Variants in NIPSNAP1 observed in about 807,000 individuals in gnomAD.
The protein encoded by NIPSNAP1 is nipsnap homolog 1.
In NIPSNAP1, 25 loss-of-function variants were observed where a neutral mutation model predicts 49.2. The observed-to-expected ratio is 0.51, with a 90% CI of 0.37 to 0.71. The LOEUF (loss-of-function observed/expected upper bound fraction) is 0.71, where lower values mean the gene tolerates loss of function less well. Ranked by LOEUF, NIPSNAP1 falls within the 30% of genes least tolerant of loss-of-function variation. NIPSNAP1 has a pLI of 0.00. For synonymous variants in NIPSNAP1, 143 were observed against 140.7 expected, an observed-to-expected ratio of 1.02 and a Z score of -0.12; for missense variants, 294 against 361.0, an observed-to-expected ratio of 0.81 and a Z score of 1.50.
rs1397532440 is a variant in NIPSNAP1, at chr22:29,577,070, ATCT to A, written c.98+3912_98+3914del. 2.0e-5 allele frequency among the ~76,000 whole-genome samples: 3 copies of A among 150,172 alleles called. No individual in the cohort carries two copies. The East Asian group carries it at 5.9e-4, about 30-fold the overall frequency. On this transcript the variant is annotated intron_variant, in intron 1 of 9. Coordinates refer to ENST00000216121, the MANE Select transcript of NIPSNAP1 (RefSeq NM_003634.4). ...CAGGTTTTGATCCTAGCTCAGCTTC[ATCT>A]TTCTTTTTTCTTCTATTTTTTTTTT... is the stretch of plus-strand genomic sequence containing the variant.
intron 1 of NIPSNAP1, among the ~76,000 whole-genome samples, chr22:29,572,300 C>T (rs1569248605): frequency 1.0e-5 from 1 of 100,174 alleles, no homozygotes; most frequent in African/African-American, 4.2e-5. Flanking sequence ...GAGAATCCAT[C>T]TCAAAAAAAA....
At chr22:29,577,062 T>C (rs2069119346) in intron 1 of NIPSNAP1, among the ~76,000 whole-genome samples, 1 of 150,872 alleles carries the variant, frequency 6.6e-6, no homozygotes, top group South Asian at 2.1e-4. Context: ...TGATCCTAGC[T>C]CAGCTTCATC....
intron 8 of NIPSNAP1, among the ~76,000 whole-genome samples, chr22:29,560,137 C>T (rs561055199): frequency 2.0e-5 from 3 of 152,184 alleles, no homozygotes; most frequent in Non-Finnish European, 4.4e-5. Flanking sequence ...GGCTCCTTCT[C>T]ATCCTTTAGC....
intron 4 of NIPSNAP1, among the ~76,000 whole-genome samples, chr22:29,563,756 A>G (rs1461295029): frequency 6.6e-6 from 1 of 152,096 alleles, no homozygotes; most frequent in African/African-American, 2.4e-5. Flanking sequence ...GGAGAACACT[A>G]TGTGAAGACA....
In NIPSNAP1 at chr22:29,561,135, G is replaced by A. The variant is rs374769736; in HGVS notation, c.611+36C>T. ...TTGGTGGGGCAGGTGAGCAGGGTACGCCTCCCCCAACCCCAGTCTTGGTGC... is the reference window on the plus strand; with the variant it reads ...TTGGTGGGGCAGGTGAGCAGGGTACACCTCCCCCAACCCCAGTCTTGGTGC... On this transcript the variant is annotated intron_variant, in intron 7 of 9. Coordinates refer to ENST00000216121, the MANE Select transcript of NIPSNAP1 (RefSeq NM_003634.4). 77 of 1,594,564 alleles carry A rather than the reference G, an allele frequency of 4.8e-5. 1 individual carries two copies. In the African/African-American group the frequency reaches 8.4e-4, roughly 17 times the overall value.
intron 1 of NIPSNAP1, among the ~76,000 whole-genome samples, chr22:29,572,871 C>T (rs2064420895): frequency 6.6e-6 from 1 of 151,466 alleles, no homozygotes; most frequent in Admixed American, 6.6e-5. Context: ...TAGTCTCAGC[C>T]ACTTGAGAGA....
intron 1 of NIPSNAP1, among the ~76,000 whole-genome samples, chr22:29,575,776 G>C (rs1309167112): frequency 6.6e-6 from 1 of 151,730 alleles, no homozygotes; most frequent in Non-Finnish European, 1.5e-5. Flanking sequence ...GTGCAGTGGC[G>C]TGATCTGGGC....
At chr22:29,566,831 A>C (rs2064371337) in intron 4 of NIPSNAP1, among the ~76,000 whole-genome samples, 1 of 151,790 alleles carries the variant, frequency 6.6e-6, no homozygotes, top group Non-Finnish European at 1.5e-5. Context: ...TCTCAAAAAA[A>C]TAAATAAATA....
intron 1 of NIPSNAP1, among the ~76,000 whole-genome samples, chr22:29,575,206 G>C (rs1054918205): frequency 6.6e-6 from 1 of 152,176 alleles, no homozygotes; most frequent in Non-Finnish European, 1.5e-5. Flanking sequence ...GAAAGGACTA[G>C]ACAGAGTAAT....
chr22:29,570,092 T>TTG, intron 3 of NIPSNAP1, 70 bp downstream of exon 3: 1 of 1,262,778 alleles, frequency 7.9e-7, no homozygotes, highest in Non-Finnish European at 1.2e-6. Flanking sequence ...TGGAGGATGT[T>TTG]CCGCAAATTT....
chr22:29,577,831 C>G (rs2064465748), intron 1 of NIPSNAP1, among the ~76,000 whole-genome samples: 1 of 150,178 alleles, frequency 6.7e-6, no homozygotes, highest in African/African-American at 2.5e-5. Flanking sequence ...CTCCCCAGTT[C>G]AAGCGATTCT....
intron 1 of NIPSNAP1, among the ~76,000 whole-genome samples, chr22:29,574,289 A>AAAG (rs2064434434): frequency 2.4e-5 from 3 of 125,316 alleles, no homozygotes; most frequent in South Asian, 2.5e-4. Flanking sequence ...AAAAAAAAAA[A>AAAG]AAAGAAAGAA....
chr22:29,570,650 C>T (rs1213984243), intron 1 of NIPSNAP1, 118 bp from the exon 2 acceptor site: 16 of 1,359,660 alleles, frequency 1.2e-5, no homozygotes, highest in Admixed American at 6.3e-5. Flanking sequence ...AACAGGGCCA[C>T]GGAGTCCTGT....
At chr22:29,563,098 TAAA>T (rs695281) in intron 4 of NIPSNAP1, among the ~76,000 whole-genome samples, 5 of 131,326 alleles carry the variant, frequency 3.8e-5, no homozygotes, top group Non-Finnish European at 4.8e-5. Flanking sequence ...GACTCCATCT[TAAA>T]AAAAAAAAAA....
At chr22:29,573,933 G>C (rs997385628) in intron 1 of NIPSNAP1, among the ~76,000 whole-genome samples, 1 of 141,810 alleles carries the variant, frequency 7.1e-6, no homozygotes, top group Non-Finnish European at 1.6e-5. Context: ...AGCAGACCCT[G>C]TCTCAAAAAA....
At chr22:29,559,358 TA>T (rs2064318078) in intron 8 of NIPSNAP1, among the ~76,000 whole-genome samples, 1 of 152,002 alleles carries the variant, frequency 6.6e-6, no homozygotes, top group African/African-American at 2.4e-5. Context: ...CTGGCCAACA[TA>T]GCGAAACTCT....
At chr22:29,577,413 TG>T (rs1256668906) in intron 1 of NIPSNAP1, among the ~76,000 whole-genome samples, 1 of 146,416 alleles carries the variant, frequency 6.8e-6, no homozygotes, top group African/African-American at 2.5e-5. Context: ...TCACCATGCC[TG>T]GCTAATTTTT....
At chr22:29,557,847 A>G (rs972147198) in intron 9 of NIPSNAP1, among the ~76,000 whole-genome samples, 1 of 152,142 alleles carries the variant, frequency 6.6e-6, no homozygotes, top group East Asian at 1.9e-4. Flanking sequence ...GCTCTTGTTC[A>G]TTTATGTGCC....
rs1432367780 is a variant in NIPSNAP1 at position 29,559,827 on chromosome 22, G to C, written c.707-874C>G. On this transcript the variant is annotated intron_variant, in intron 8 of 9. Transcript: ENST00000216121. ...TAGAGTAATGGCTTCCTGAAGCCCT[G>C]CTTTCTCTCTTGCTCGCCTACCAAG... 3.9e-5 allele frequency among the ~76,000 whole-genome samples: 6 copies of C among 152,072 alleles called. No individual in the cohort carries two copies. In the Admixed American group the frequency reaches 4.0e-4, roughly 10 times the overall value.
Sources: allele counts gnomAD v4.1 joint callset (sites outside exome capture counted in the v4.1 genomes callset), GRCh38; gene constraint gnomAD v4.1.1; transcripts MANE v1.5; gene names NCBI Gene and HGNC (gene_info 2026-07-23, HGNC 2026-07-21).